The following IMMP2L variants were observed in gnomAD, a reference collection of about 807,000 sequenced individuals.
The protein encoded by IMMP2L is mitochondrial inner membrane protease subunit 2.
IMMP2L carries 18 observed loss-of-function variants against 19.3 expected under a neutral mutation model. The ratio of observed to expected loss-of-function variants is 0.93; its 90% CI spans 0.64 to 1.38. The LOEUF is 1.38. Among genes scored for constraint, IMMP2L ranks in the 40% most tolerant of loss-of-function variants. The probability of loss-of-function intolerance (pLI) is 0.00; values close to 1 mark genes in which losing one functional copy is unlikely to be tolerated. For missense variants in IMMP2L, 233 were observed against 218.2 expected, an observed-to-expected ratio of 1.07 and a Z score of -0.43; for synonymous variants, 76 against 73.0, an observed-to-expected ratio of 1.04 and a Z score of -0.21.
intron 5 of IMMP2L, among the ~76,000 whole-genome samples, chr7:110,749,823 C>T (rs1402349696): frequency 1.3e-5 from 2 of 152,086 alleles, no homozygotes; most frequent in Non-Finnish European, 2.9e-5. Context: ...GTGCAGCAAA[C>T]CACCCTGGCA....
chr7:111,046,251 A>T lies in IMMP2L; in HGVS notation c.240-82686T>A, dbSNP rs191498010. ...AATAAACTGTAGACTTACCACAGTA[A>T]AAGAAAGAAGTAGAAATTTTCAAAG... On this transcript the variant is annotated intron_variant, in intron 3 of 5. Coordinates refer to ENST00000405709, the MANE Select transcript of IMMP2L (RefSeq NM_032549.4). Among the ~76,000 whole-genome samples, 4 of 152,146 alleles carry T rather than the reference A, an allele frequency of 2.6e-5. No homozygotes were observed. The South Asian group carries it at 8.3e-4, about 31-fold the overall frequency.
At chr7:110,677,073 G>A (rs1312820373) in intron 5 of IMMP2L, among the ~76,000 whole-genome samples, 1 of 152,126 alleles carries the variant, frequency 6.6e-6, no homozygotes, top group African/African-American at 2.4e-5. Context: ...TTTTGCTCAT[G>A]TCAATATTAC....
intron 3 of IMMP2L, among the ~76,000 whole-genome samples, chr7:111,381,608 A>G (rs1330937657): frequency 6.6e-6 from 1 of 152,008 alleles, no homozygotes; most frequent in Admixed American, 6.6e-5. Flanking sequence ...TGATGAGAAC[A>G]AGGTAGACTA....
intron 3 of IMMP2L, among the ~76,000 whole-genome samples, chr7:111,238,231 G>A (rs1024785365): frequency 6.6e-6 from 1 of 152,006 alleles, no homozygotes; most frequent in African/African-American, 2.4e-5. Flanking sequence ...AAGAAGACAG[G>A]CTGGAAGTCT....
At chr7:110,953,960 G>A (rs1818106937) in intron 4 of IMMP2L, among the ~76,000 whole-genome samples, 1 of 152,056 alleles carries the variant, frequency 6.6e-6, no homozygotes, top group African/African-American at 2.4e-5. Context: ...CTGCATAAAT[G>A]TCTTCTTTTG....
intron 5 of IMMP2L, among the ~76,000 whole-genome samples, chr7:110,839,349 G>A (rs532559194): frequency 6.6e-6 from 1 of 151,972 alleles, no homozygotes; most frequent in Middle Eastern, 3.2e-3. Context: ...AGTCTATTAG[G>A]ATAATTCAGG....
At chr7:111,143,353 A>T (rs995099944) in intron 3 of IMMP2L, among the ~76,000 whole-genome samples, 6 of 152,156 alleles carry the variant, frequency 3.9e-5, no homozygotes, top group Non-Finnish European at 8.8e-5. Flanking sequence ...AAGCGAGGTA[A>T]ACACTCATGA....
chr7:110,739,127 C>T (rs191481218), intron 5 of IMMP2L, among the ~76,000 whole-genome samples: 1 of 152,242 alleles, frequency 6.6e-6, no homozygotes, highest in African/African-American at 2.4e-5. Flanking sequence ...ATAAATCTCA[C>T]AGGATCTATA....
intron 3 of IMMP2L, among the ~76,000 whole-genome samples, chr7:110,969,824 T>C (rs1231726956): frequency 6.6e-6 from 1 of 152,066 alleles, no homozygotes; most frequent in East Asian, 1.9e-4. Flanking sequence ...AATAGAATCT[T>C]TCAGGACACT....
intron 3 of IMMP2L, among the ~76,000 whole-genome samples, chr7:111,330,774 TA>T (rs1825797260): frequency 6.6e-6 from 1 of 151,764 alleles, no homozygotes; most frequent in Non-Finnish European, 1.5e-5. Flanking sequence ...GATATCTGAA[TA>T]AAAATTTCTC....
intron 3 of IMMP2L, among the ~76,000 whole-genome samples, chr7:111,256,066 C>G (rs1293643409): frequency 6.6e-6 from 1 of 151,968 alleles, no homozygotes; most frequent in Non-Finnish European, 1.5e-5. Context: ...GAGATTTATA[C>G]TATACATTGT....
intron 3 of IMMP2L, among the ~76,000 whole-genome samples, chr7:111,121,207 G>GT (rs560829141): frequency 1.3e-5 from 2 of 152,052 alleles, no homozygotes; most frequent in Non-Finnish European, 2.9e-5. Context: ...GGGGTTGTTT[G>GT]TTTTTTTCTT....
intron 3 of IMMP2L, among the ~76,000 whole-genome samples, chr7:111,444,735 T>C (rs1199944508): frequency 1.3e-5 from 2 of 152,082 alleles, no homozygotes; most frequent in South Asian, 2.1e-4. Flanking sequence ...ACCCTGATGA[T>C]AATGAATATA....
intron 1 of IMMP2L, among the ~76,000 whole-genome samples, chr7:111,558,975 T>G (rs1302199021): frequency 6.6e-6 from 1 of 152,156 alleles, no homozygotes; most frequent in Non-Finnish European, 1.5e-5. Context: ...AGAATGATTT[T>G]GCCTTGTTAA....
intron 5 of IMMP2L, among the ~76,000 whole-genome samples, chr7:110,811,785 T>C (rs1174904502): frequency 6.6e-6 from 1 of 151,954 alleles, no homozygotes; most frequent in Non-Finnish European, 1.5e-5. Flanking sequence ...AGCATCCTGG[T>C]TTTTCTTCAT....
At chr7:111,523,255 A>C (rs748570428) in intron 1 of IMMP2L, among the ~76,000 whole-genome samples, 22 of 152,032 alleles carry the variant, frequency 1.4e-4, no homozygotes, top group Non-Finnish European at 3.1e-4. Flanking sequence ...TTCTTGAAAA[A>C]TGTAAACAGA....
Position 111,344,191 on chromosome 7 carries a change from T to C in IMMP2L, c.239+143047A>G, listed in dbSNP as rs562012432. ...TGACTTCCTACCATCCTATTAATGA[T>C]CTGATTTCTACTGACCTCTCCAAAC... On this transcript the variant is annotated intron_variant, in intron 3 of 5. Transcript: ENST00000405709. 3.9e-5 allele frequency among the ~76,000 whole-genome samples: 6 copies of C among 152,262 alleles called. No individual in the cohort carries two copies. In the South Asian group the frequency reaches 8.3e-4, roughly 21 times the overall value.
chr7:110,746,547 A>G (rs1002999737), intron 5 of IMMP2L, among the ~76,000 whole-genome samples: 4 of 152,236 alleles, frequency 2.6e-5, no homozygotes, highest in Non-Finnish European at 5.9e-5. Context: ...GCACATCATA[A>G]TAGTCTCTCA....
chr7:111,412,970 A>AT (rs1834574908), intron 3 of IMMP2L, among the ~76,000 whole-genome samples: 1 of 151,744 alleles, frequency 6.6e-6, no homozygotes, highest in South Asian at 2.1e-4. Context: ...TTTGGAAAAC[A>AT]TTTTTAAATG....
Sources: allele counts gnomAD v4.1 joint callset (sites outside exome capture counted in the v4.1 genomes callset), GRCh38; gene constraint gnomAD v4.1.1; transcripts MANE v1.5; gene names NCBI Gene and HGNC (gene_info 2026-07-23, HGNC 2026-07-21).